Variants in ARIH1 observed in about 807,000 individuals in gnomAD.
The protein encoded by ARIH1 is ariadne RBR E3 ubiquitin protein ligase 1.
A neutral mutation model predicts 85.0 loss-of-function variants in ARIH1; 8 were observed. The ratio of observed to expected loss-of-function variants is 0.09; its 90% confidence interval spans 0.06 to 0.17. ARIH1 has a LOEUF of 0.17. Ranked by LOEUF, ARIH1 falls within the 10% of genes least tolerant of loss-of-function variation. ARIH1 has a pLI of 1.00. For synonymous variants in ARIH1, 238 were observed against 253.6 expected, an observed-to-expected ratio of 0.94 and a Z score of 0.59; for missense variants, 311 against 718.1, an observed-to-expected ratio of 0.43 and a Z score of 6.48.
chr15:72,538,090 G>A (rs574416083), intron 2 of ARIH1, among the ~76,000 whole-genome samples: 4 of 152,276 alleles, frequency 2.6e-5, no homozygotes, highest in South Asian at 2.1e-4. Context: ...GAGGCTGGGC[G>A]TGGTAGCTCA....
intron 7 of ARIH1, among the ~76,000 whole-genome samples, chr15:72,565,691 C>A (rs926014705): frequency 6.6e-6 from 1 of 152,102 alleles, no homozygotes; most frequent in African/African-American, 2.4e-5. Flanking sequence ...GCAGTGAATA[C>A]CTATATAGCT....
At chr15:72,539,811 C>T (rs925898088) in intron 2 of ARIH1, among the ~76,000 whole-genome samples, 4 of 152,132 alleles carry the variant, frequency 2.6e-5, no homozygotes, top group Non-Finnish European at 5.9e-5. Flanking sequence ...GAAAATAGAA[C>T]ACTATCTCTA....
chr15:72,574,561 A>G (rs939638921), intron 11 of ARIH1, among the ~76,000 whole-genome samples: 3 of 152,210 alleles, frequency 2.0e-5, no homozygotes, highest in African/African-American at 4.8e-5. Context: ...TTGTTGACTC[A>G]TTATATTGTA....
chr15:72,562,139 A>T (rs1475729791), intron 6 of ARIH1, among the ~76,000 whole-genome samples: 1 of 152,044 alleles, frequency 6.6e-6, no homozygotes, highest in Non-Finnish European at 1.5e-5. Flanking sequence ...GTCATGTTTA[A>T]TCATGTTTGA....
At chr15:72,522,653 C>T (rs999089726) in intron 2 of ARIH1, among the ~76,000 whole-genome samples, 21 of 152,010 alleles carry the variant, frequency 1.4e-4, no homozygotes, top group Admixed American at 8.5e-4. Flanking sequence ...TATTAATGAA[C>T]TAGAGAGCAA....
At chr15:72,481,962 G>A (rs1223673527) in intron 1 of ARIH1, among the ~76,000 whole-genome samples, 6 of 151,778 alleles carry the variant, frequency 4.0e-5, no homozygotes, top group Admixed American at 1.3e-4. Context: ...TCAGCCTCCC[G>A]AGTAGCTGGG....
chr15:72,550,960 C>A (rs2064150593), intron 3 of ARIH1, among the ~76,000 whole-genome samples: 1 of 152,184 alleles, frequency 6.6e-6, no homozygotes, highest in Non-Finnish European at 1.5e-5. Context: ...GCACGAGCCA[C>A]TGTACCCAGC....
chr15:72,474,647 C>T lies in ARIH1; in HGVS notation c.8C>T (p.Ser3Leu). The T allele has an allele frequency of 6.5e-7, 1 of 1,532,352 alleles. No homozygotes were observed. The highest frequency in any genetic ancestry group is 8.8e-7 in the Non-Finnish European group (1 of 1,141,154). 94.9% of individuals were successfully genotyped at this position (1,532,352 alleles called of 1,614,324 possible). A position where few individuals can be genotyped will look rare whatever the true frequency, so the allele number is the denominator to read the frequency against. MD[S>L]DEGYNYEFDE... ...GCCCCCGCGCGTCGCGCCATGGACT[C>T]GGACGAGGGCTACAACTACGAGTTC... is the stretch of plus-strand genomic sequence containing the variant. The change falls in exon 1 of 14, where the codon TCG becomes TTG. Residue 3 changes from serine to leucine, a missense_variant. Ser to Leu is a moderately radical substitution (Grantham distance 145, BLOSUM62 -2). Around this residue, in one of 3 missense-constraint regions of ARIH1, gnomAD observed 157 missense variants for 185.1 expected, o/e 0.85. Coordinates refer to ENST00000379887, the MANE Select transcript of ARIH1 (RefSeq NM_005744.5).
At chr15:72,482,215 A>AT (rs1412279170) in intron 1 of ARIH1, among the ~76,000 whole-genome samples, 1 of 152,126 alleles carries the variant, frequency 6.6e-6, no homozygotes, top group East Asian at 1.9e-4. Flanking sequence ...CCAGTCCTAG[A>AT]TTTTTTTAAT....
At chr15:72,522,136 A>G (rs1157086015) in intron 2 of ARIH1, among the ~76,000 whole-genome samples, 1 of 152,226 alleles carries the variant, frequency 6.6e-6, no homozygotes, top group East Asian at 1.9e-4. Flanking sequence ...AGAATTAAAT[A>G]ATGAGAATAC....
chr15:72,500,127 C>T (rs2063896629), intron 1 of ARIH1, among the ~76,000 whole-genome samples: 1 of 150,642 alleles, frequency 6.6e-6, no homozygotes, highest in Admixed American at 6.6e-5. Context: ...TGGAGTCTTG[C>T]TCTGTTGCCA....
At chr15:72,480,860 C>T (rs753328410) in intron 1 of ARIH1, among the ~76,000 whole-genome samples, 13 of 152,114 alleles carry the variant, frequency 8.5e-5, no homozygotes, top group Non-Finnish European at 1.6e-4. Flanking sequence ...CCTTGCCCGG[C>T]CTTGTTTTGT....
chr15:72,491,894 G>A (rs2063860966), intron 1 of ARIH1, among the ~76,000 whole-genome samples: 1 of 152,144 alleles, frequency 6.6e-6, no homozygotes, highest in African/African-American at 2.4e-5. Flanking sequence ...TGTTGTGTGT[G>A]CTGGGTATTT....
At chr15:72,543,225 G>A (rs1429574123) in intron 2 of ARIH1, among the ~76,000 whole-genome samples, 4 of 151,908 alleles carry the variant, frequency 2.6e-5, no homozygotes, top group African/African-American at 9.7e-5. Context: ...GTGAGCCACC[G>A]CGGCGCCTGT....
intron 11 of ARIH1, among the ~76,000 whole-genome samples, chr15:72,578,994 A>G (rs1261908164): frequency 6.6e-6 from 1 of 151,998 alleles, no homozygotes; most frequent in East Asian, 1.9e-4. Flanking sequence ...TGTGTTGCCC[A>G]GGCTGGCTCA....
rs1171791866 is a variant in ARIH1, at chr15:72,602,778, T to C, written c.*19486T>C. ...TCCCCCTTTCTCCCAGGAAACGTTC[T>C]GACCTTACCCTGGTCCCTCAAGGAC... is the stretch of plus-strand genomic sequence containing the variant. On this transcript the variant is annotated 3_prime_UTR_variant, in exon 14 of 14. Transcript: ENST00000379887. The C allele has an allele frequency of 6.6e-6, 1 of 152,202 alleles. No homozygotes were observed. Among genetic ancestry groups the C allele is most frequent in the Admixed American group, 6.5e-5 (1 of 15,282 alleles). 9.4% of individuals were successfully genotyped at this position (152,202 alleles called of 1,614,324 possible). A position where few individuals can be genotyped will look rare whatever the true frequency, so the allele number is the denominator to read the frequency against.
Position 72,582,276 on chromosome 15 carries a change from A to G in ARIH1, c.1589+89A>G, listed in dbSNP as rs1003564562. 1.8e-5 allele frequency: 15 copies of G among 847,728 alleles called. No individual in the cohort carries two copies. Among genetic ancestry groups the G allele is most frequent in the Middle Eastern group, 2.5e-4 (1 of 4,012 alleles). 52.5% of individuals were successfully genotyped at this position (847,728 alleles called of 1,614,324 possible). On this transcript the variant is annotated intron_variant, in intron 13 of 13. Transcript: ENST00000379887. This position sits in a 1 kb window ranked among gnomAD's most constrained non-coding sequence, Gnocchi z 4.6. ...CAGTGATAGTGAAACTGGGTTTAGCATATCCAGCAACTGAGCTTTTGCCAT... is the reference window on the plus strand; with the variant it reads ...CAGTGATAGTGAAACTGGGTTTAGCGTATCCAGCAACTGAGCTTTTGCCAT...
At chr15:72,513,898 A>C (rs966601629) in intron 1 of ARIH1, among the ~76,000 whole-genome samples, 34 of 142,560 alleles carry the variant, frequency 2.4e-4, no homozygotes, top group African/African-American at 8.7e-4. Flanking sequence ...CGCCAAAGAC[A>C]GAGTCTTGTC....
At chr15:72,534,710 A>C (rs16957064) in intron 2 of ARIH1, among the ~76,000 whole-genome samples, 7,312 of 152,186 alleles carry the variant, frequency 0.048, 236 homozygotes, top group African/African-American at 0.094. Flanking sequence ...TGCCACATCA[A>C]AGCCATACTC....
Sources: allele counts gnomAD v4.1 joint callset (sites outside exome capture counted in the v4.1 genomes callset), GRCh38; gene constraint gnomAD v4.1.1; regional missense constraint gnomAD v4.1.1; non-coding constraint Gnocchi (gnomAD v3.1); transcripts MANE v1.5; gene names NCBI Gene and HGNC (gene_info 2026-07-23, HGNC 2026-07-21).